Variants in NCBP1 observed in about 807,000 individuals in gnomAD.
NCBP1 encodes the protein nuclear cap-binding protein subunit 1.
Under a neutral mutation model 111.7 loss-of-function variants are expected in NCBP1, and 16 were observed. The observed-to-expected ratio is 0.14, with a 90% confidence interval of 0.10 to 0.22. NCBP1 has a LOEUF of 0.22. NCBP1 is among the 10% of genes least tolerant of loss of function. The pLI, the probability that NCBP1 is intolerant of heterozygous loss-of-function variation, is 1.00. For missense variants in NCBP1, 607 were observed against 957.5 expected, an observed-to-expected ratio of 0.63 and a Z score of 4.83; for synonymous variants, 304 against 314.3, an observed-to-expected ratio of 0.97 and a Z score of 0.35.
At chr9:97,670,478 C>T (rs1828156111) in intron 22 of NCBP1, among the ~76,000 whole-genome samples, 1 of 152,186 alleles carries the variant, frequency 6.6e-6, no homozygotes, top group African/African-American at 2.4e-5. Flanking sequence ...TCTTCGGACA[C>T]TACTCCCCTA....
chr9:97,648,436 A>C (rs1827406499), intron 8 of NCBP1, among the ~76,000 whole-genome samples: 3 of 152,204 alleles, frequency 2.0e-5, no homozygotes. Context: ...GATTACAGAG[A>C]CGTGCACAGT....
intron 8 of NCBP1, among the ~76,000 whole-genome samples, chr9:97,648,509 G>T (rs1447253901): frequency 1.3e-5 from 2 of 152,102 alleles, no homozygotes; most frequent in African/African-American, 4.8e-5. Context: ...TTTAATCTTG[G>T]TTTAGCCAAA....
rs191653467 is a variant in NCBP1, at chr9:97,662,567, A to G, written c.1704-387A>G. 2.0e-4 allele frequency among the ~76,000 whole-genome samples: 31 copies of G among 152,324 alleles called. No individual in the cohort carries two copies. The East Asian group carries it at 5.6e-3, about 27-fold the overall frequency. On this transcript the variant is annotated intron_variant, in intron 17 of 22. Coordinates refer to ENST00000375147, the MANE Select transcript of NCBP1 (RefSeq NM_002486.5). The stretch of plus-strand genomic sequence containing the variant: ...CAGGGTCCAAAGGAAGAAAGAGCAC[A>G]TAGATTTTCCTTCTGCCAAGCAGAG...
At chr9:97,640,663 GTCT>G in intron 1 of NCBP1, 128 bp from the exon 2 acceptor site, 1 of 644,062 alleles carries the variant, frequency 1.6e-6, no homozygotes. Context: ...GAAATGGAGG[GTCT>G]GTGAAGAGCT....
intron 13 of NCBP1, 43 bp downstream of exon 13, chr9:97,655,807 T>A: frequency 1.3e-6 from 2 of 1,528,218 alleles, no homozygotes; most frequent in Non-Finnish European, 1.8e-6. Flanking sequence ...GTCAAAAAAC[T>A]ACTAATGTTT....
rs1827188252 is a variant in NCBP1, at chr9:97,640,889, C to T, written c.123+7C>T. 1 of 1,572,360 alleles carries T rather than the reference C, an allele frequency of 6.4e-7. No homozygotes were observed. The highest frequency in any genetic ancestry group is 2.3e-5 in the East Asian group (1 of 44,174). ...ATGTAAAGTAGGAGAAAAGGTATGT[C>T]ACACAATAGGCACAGGCTGTGATGG... On this transcript the variant is annotated splice_region_variant and intron_variant, in intron 2 of 22. Transcript: ENST00000375147.
rs1828230716 is a variant in NCBP1 at position 97,672,779 on chromosome 9, ATAG to A, written c.*1583_*1585del. On this transcript the variant is annotated 3_prime_UTR_variant, in exon 23 of 23. Transcript: ENST00000375147. Reference sequence around the variant, plus strand: ...ATGATGATCCACTTCTACTTATTAAATAGTAAATATATTTTTTTCTTATGATTT... The same window carrying A: ...ATGATGATCCACTTCTACTTATTAAATAAATATATTTTTTTCTTATGATTT... 5 of 164,688 alleles carry A rather than the reference ATAG, an allele frequency of 3.0e-5. No individual in the cohort carries two copies. In the Admixed American group the frequency reaches 3.1e-4, roughly 10 times the overall value. The allele number at this position is 164,688 out of a possible 1,614,324, so 10.2% of individuals were successfully genotyped here. A position where few individuals can be genotyped will look rare whatever the true frequency, so the allele number is the denominator to read the frequency against.
At chr9:97,635,414 C>CTTTTTTTTTTT (rs5899316) in intron 1 of NCBP1, among the ~76,000 whole-genome samples, 1 of 141,958 alleles carries the variant, frequency 7.0e-6, no homozygotes, top group African/African-American at 2.7e-5. Context: ...AATTCCCTCC[C>CTTTTTTTTTTT]TTTTTTTTTT....
intron 4 of NCBP1, among the ~76,000 whole-genome samples, chr9:97,644,136 A>G (rs1827272095): frequency 6.6e-6 from 1 of 152,218 alleles, no homozygotes; most frequent in South Asian, 2.1e-4. Context: ...AGTGTATATC[A>G]TAAATACATA....
chr9:97,656,271 A>G (rs1827650839), intron 14 of NCBP1, among the ~76,000 whole-genome samples, 186 bp downstream of exon 14: 1 of 152,208 alleles, frequency 6.6e-6, no homozygotes, highest in South Asian at 2.1e-4. Context: ...TGTGAATTTA[A>G]GCCAATAAGT....
At chr9:97,642,377 A>G in intron 3 of NCBP1, among the ~76,000 whole-genome samples, 1 of 152,076 alleles carries the variant, frequency 6.6e-6, no homozygotes, top group Middle Eastern at 3.2e-3. Flanking sequence ...CCATCAACAC[A>G]GGTATTTTTT....
chr9:97,672,821 C>G lies in NCBP1; in HGVS notation c.*1622C>G, dbSNP rs1265425910. The G allele has an allele frequency of 6.4e-6, 1 of 156,420 alleles. No individual in the cohort carries two copies. The highest frequency in any genetic ancestry group is 1.8e-4 in the East Asian group (1 of 5,482). The allele number at this position is 156,420 out of a possible 1,614,324, so 9.7% of individuals were successfully genotyped here. On this transcript the variant is annotated 3_prime_UTR_variant, in exon 23 of 23. Transcript: ENST00000375147. ...TTCTTATGATTTTATTTTCTTTTCTCTAGCTTCATAAGAATATAGCATATG... is the reference window on the plus strand; with the variant it reads ...TTCTTATGATTTTATTTTCTTTTCTGTAGCTTCATAAGAATATAGCATATG...
At position 97,673,730 on chromosome 9, in the gene NCBP1, A is replaced by G. The variant is rs1362774313; in HGVS notation, c.*2531A>G. ...TTAAATTGTGCTGGTGCAATTTAAC[A>G]TGCTTTTGTCAAAGTAAACATACTG... On this transcript the variant is annotated 3_prime_UTR_variant, in exon 23 of 23. Transcript: ENST00000375147. 2.0e-5 allele frequency: 3 copies of G among 152,234 alleles called. No homozygotes were observed. The highest frequency in any genetic ancestry group is 6.5e-5 in the Admixed American group (1 of 15,282). The allele number at this position is 152,234 out of a possible 1,614,324, so 9.4% of individuals were successfully genotyped here. A position where few individuals can be genotyped will look rare whatever the true frequency, so the allele number is the denominator to read the frequency against.
Position 97,654,025 on chromosome 9 carries a change from T to TTG in NCBP1, c.1170+127_1170+128dup, listed in dbSNP as rs529955360. 47 of 775,634 alleles carry TTG rather than the reference T, an allele frequency of 6.1e-5. No individual in the cohort carries two copies. In the South Asian group the frequency reaches 8.4e-4, roughly 14 times the overall value. 48.0% of individuals were successfully genotyped at this position (775,634 alleles called of 1,614,324 possible). A position where few individuals can be genotyped will look rare whatever the true frequency, so the allele number is the denominator to read the frequency against. On this transcript the variant is annotated intron_variant, in intron 11 of 22. Transcript: ENST00000375147. ...TAAAAAATGTGGCTTTTGAAGTGTG[T>TTG]TGTGTGTGTGTATTACATGTATGTA... is the stretch of plus-strand genomic sequence containing the variant.
intron 6 of NCBP1, 30 bp from the exon 7 acceptor site, chr9:97,647,462 C>G: frequency 6.4e-7 from 1 of 1,560,162 alleles, no homozygotes; most frequent in Non-Finnish European, 8.8e-7. Flanking sequence ...TTTTAAAAGC[C>G]TAAATGTAGA....
At chr9:97,643,471 C>T in intron 4 of NCBP1, 111 bp downstream of exon 4, 1 of 1,166,782 alleles carries the variant, frequency 8.6e-7, no homozygotes, top group Non-Finnish European at 1.2e-6. Flanking sequence ...CATTCACTTT[C>T]ATAGCTTCAT....
chr9:97,636,573 CTAAT>C (rs901029807), intron 1 of NCBP1, among the ~76,000 whole-genome samples: 19 of 135,356 alleles, frequency 1.4e-4, no homozygotes, highest in Non-Finnish European at 3.0e-4. Context: ...AATATATACT[CTAAT>C]ATATATTTTA....
chr9:97,653,119 CTTTT>C (rs57742118), intron 10 of NCBP1, among the ~76,000 whole-genome samples: 3 of 123,550 alleles, frequency 2.4e-5, no homozygotes, highest in African/African-American at 3.2e-5. Context: ...TAAAAGAATT[CTTTT>C]TTTTTTTTTT....
At chr9:97,638,820 A>G (rs931492972) in intron 1 of NCBP1, among the ~76,000 whole-genome samples, 6 of 152,274 alleles carry the variant, frequency 3.9e-5, no homozygotes, top group African/African-American at 1.4e-4. Flanking sequence ...AGTTTTGACT[A>G]CTAAAAATGT....
Sources: allele counts gnomAD v4.1 joint callset (sites outside exome capture counted in the v4.1 genomes callset), GRCh38; gene constraint gnomAD v4.1.1; transcripts MANE v1.5; gene names NCBI Gene and HGNC (gene_info 2026-07-23, HGNC 2026-07-21).